Variants in SERTAD2 observed in about 807,000 individuals in gnomAD.
SERTAD2 encodes the protein SERTA domain-containing protein 2.
Under a neutral mutation model 15.4 loss-of-function variants are expected in SERTAD2, and 2 were observed. The ratio of observed to expected loss-of-function variants is 0.13; its 90% CI spans 0.05 to 0.41. The LOEUF (loss-of-function observed/expected upper bound fraction) is 0.41. Among genes scored for constraint, SERTAD2 ranks in the 10% least tolerant of loss-of-function variants. SERTAD2 has a pLI of 0.99. For synonymous variants in SERTAD2, 180 were observed against 178.0 expected (o/e 1.01, Z -0.09); for missense variants, 333 against 409.7 (o/e 0.81, Z 1.62).
Position 64,633,529 on chromosome 2 carries a change from T to C in SERTAD2, c.*2398A>G, listed in dbSNP as rs1386232785. On this transcript the variant is annotated 3_prime_UTR_variant, in exon 2 of 2. Transcript: ENST00000313349. ...CCCTGTTATTGTTCAGAATCATCAA[T>C]ACTATTGTATATGTGTACGTAGGTA... 8 of 152,266 alleles carry C rather than the reference T, an allele frequency of 5.3e-5. No homozygotes were observed. Among genetic ancestry groups the C allele is most frequent in the African/African-American group, 1.9e-4 (8 of 41,468 alleles). The allele number at this position is 152,266 out of a possible 1,614,324, so 9.4% of individuals were successfully genotyped here. A position where few individuals can be genotyped will look rare whatever the true frequency, so the allele number is the denominator to read the frequency against.
intron 1 of SERTAD2, among the ~76,000 whole-genome samples, chr2:64,641,465 C>G (rs1055429162): frequency 6.6e-6 from 1 of 152,192 alleles, no homozygotes; most frequent in African/African-American, 2.4e-5. Context: ...TTTCCCATCT[C>G]AAGATAGTGA....
intron 1 of SERTAD2, among the ~76,000 whole-genome samples, chr2:64,640,687 T>C (rs146144743): frequency 7.9e-5 from 12 of 152,266 alleles, no homozygotes; most frequent in South Asian, 2.1e-4. Flanking sequence ...CTGTGACCCA[T>C]TGGCTTCCTA....
Position 64,643,362 on chromosome 2 carries a change from G to A in SERTAD2, c.-4-6487C>T, listed in dbSNP as rs556295051. On this transcript the variant is annotated intron_variant, in intron 1 of 1. Coordinates refer to ENST00000313349, the MANE Select transcript of SERTAD2 (RefSeq NM_014755.3). ...ACTGAACTACAGTGTCTGCCGTGGT[G>A]TACGGGCGGCTAGTGGGGTGAGCTG... Among the ~76,000 whole-genome samples, 6 of 152,370 alleles carry A rather than the reference G, an allele frequency of 3.9e-5. No homozygotes were observed. In the East Asian group the frequency reaches 1.2e-3, roughly 29 times the overall value.
chr2:64,637,154 G>A (rs1338704091), intron 1 of SERTAD2, among the ~76,000 whole-genome samples: 1 of 152,194 alleles, frequency 6.6e-6, no homozygotes, highest in African/African-American at 2.4e-5. Flanking sequence ...GACAAGTTAA[G>A]AATTACCATG....
At chr2:64,640,402 C>CCT (rs1252302025) in intron 1 of SERTAD2, among the ~76,000 whole-genome samples, 4 of 152,210 alleles carry the variant, frequency 2.6e-5, no homozygotes, top group African/African-American at 9.6e-5. Flanking sequence ...CGCATCAGCC[C>CCT]CTCCAGGCCT....
intron 1 of SERTAD2, among the ~76,000 whole-genome samples, chr2:64,638,616 G>A (rs1674709214): frequency 1.3e-5 from 2 of 152,096 alleles, no homozygotes; most frequent in African/African-American, 4.8e-5. Context: ...CATCAGAATC[G>A]GCTTGAGATT....
chr2:64,632,484 G>C lies in SERTAD2; in HGVS notation c.*3443C>G, dbSNP rs56169229. The stretch of plus-strand genomic sequence containing the variant: ...CAATTGGTAAAGACACTCGAGAGGT[G>C]CAGAGGAGGCTCTGGCCACTGCTCA... On this transcript the variant is annotated 3_prime_UTR_variant, in exon 2 of 2. Coordinates refer to ENST00000313349, the MANE Select transcript of SERTAD2 (RefSeq NM_014755.3). 1.3e-5 allele frequency: 2 copies of C among 152,728 alleles called. No individual in the cohort carries two copies. Among genetic ancestry groups the C allele is most frequent in the Non-Finnish European group, 2.9e-5 (2 of 68,034 alleles). 9.5% of individuals were successfully genotyped at this position (152,728 alleles called of 1,614,324 possible).
chr2:64,652,498 T>C (rs879488251), intron 1 of SERTAD2, among the ~76,000 whole-genome samples: 12 of 152,248 alleles, frequency 7.9e-5, no homozygotes, highest in Non-Finnish European at 1.5e-4. Flanking sequence ...CTACAACTTC[T>C]AGCCTCTTTA....
chr2:64,647,019 G>A (rs962277818), intron 1 of SERTAD2, among the ~76,000 whole-genome samples: 2 of 152,184 alleles, frequency 1.3e-5, no homozygotes, highest in African/African-American at 4.8e-5. Flanking sequence ...TCTCCATACT[G>A]AACAGATACT....
At position 64,636,362 on chromosome 2, in the gene SERTAD2, G is replaced by A. The variant is rs1674657724; in HGVS notation, c.510C>T (p.Ser170=). 6.2e-7 allele frequency: 1 copy of A among 1,614,230 alleles called. No individual in the cohort carries two copies. Among genetic ancestry groups the A allele is most frequent in the Non-Finnish European group, 8.5e-7 (1 of 1,180,034 alleles). Reference sequence around the variant, plus strand: ...GCTCCTCGATCTCGTCCAAGGCAGAGGAGAAACTGTCCTTTTCTGGCAAGA... The same window carrying A: ...GCTCCTCGATCTCGTCCAAGGCAGAAGAGAAACTGTCCTTTTCTGGCAAGA... ...PALLPEKDSF[S]SALDEIEELC... The change falls in exon 2 of 2, where the codon TCC becomes TCT. Residue 170 remains serine (S), a synonymous_variant. Transcript: ENST00000313349.
chr2:64,639,227 G>A (rs1674721040), intron 1 of SERTAD2, among the ~76,000 whole-genome samples: 1 of 152,216 alleles, frequency 6.6e-6, no homozygotes, highest in Non-Finnish European at 1.5e-5. Flanking sequence ...GTGCCTGTCT[G>A]CGAACTGTTA....
intron 1 of SERTAD2, among the ~76,000 whole-genome samples, chr2:64,641,024 T>C (rs1478804157): frequency 6.6e-6 from 1 of 152,248 alleles, no homozygotes; most frequent in Non-Finnish European, 1.5e-5. Flanking sequence ...TAAACATTAA[T>C]TTTAACTGCT....
chr2:64,646,236 C>T, intron 1 of SERTAD2, among the ~76,000 whole-genome samples: 1 of 152,256 alleles, frequency 6.6e-6, no homozygotes. Context: ...AAGTACAAGG[C>T]GGTGCTTTGT....
At position 64,632,243 on chromosome 2, in the gene SERTAD2, CTT is replaced by C. The variant is rs11366694; in HGVS notation, c.*3682_*3683del. ...TAGCAATTGCTGCACGAAGTAGAGT[CTT>C]TTTTTTTTTTTTTTTTACATTTGTC... On this transcript the variant is annotated 3_prime_UTR_variant, in exon 2 of 2. Transcript: ENST00000313349. 421 of 138,996 alleles carry C rather than the reference CTT, an allele frequency of 3.0e-3. No homozygotes were observed. Among genetic ancestry groups the C allele is most frequent in the African/African-American group, 2.8e-3 (104 of 37,674 alleles). 8.6% of individuals were successfully genotyped at this position (138,996 alleles called of 1,614,324 possible). A position where few individuals can be genotyped will look rare whatever the true frequency, so the allele number is the denominator to read the frequency against.
intron 1 of SERTAD2, among the ~76,000 whole-genome samples, chr2:64,653,336 C>G (rs1675055022): frequency 6.6e-6 from 1 of 151,972 alleles, no homozygotes; most frequent in African/African-American, 2.4e-5. Context: ...GCCCGCCGCT[C>G]GGCTCTCCGA....
intron 1 of SERTAD2, among the ~76,000 whole-genome samples, chr2:64,647,824 T>C (rs1416613864): frequency 6.6e-6 from 1 of 152,194 alleles, no homozygotes; most frequent in Admixed American, 6.5e-5. Context: ...TATTTGCCAC[T>C]GAATAAAACT....
intron 1 of SERTAD2, among the ~76,000 whole-genome samples, chr2:64,640,218 T>C (rs1006727553): frequency 3.9e-5 from 6 of 152,194 alleles, no homozygotes; most frequent in Admixed American, 6.5e-5. Flanking sequence ...CCTGACACAC[T>C]GCAGTAACAT....
At chr2:64,644,331 G>A (rs148374631) in intron 1 of SERTAD2, among the ~76,000 whole-genome samples, 28 of 152,354 alleles carry the variant, frequency 1.8e-4, no homozygotes, top group Middle Eastern at 3.4e-3. Flanking sequence ...CACAGAATAT[G>A]CTGTTTCTCT....
At chr2:64,648,067 G>A (rs1674942123) in intron 1 of SERTAD2, among the ~76,000 whole-genome samples, 1 of 152,162 alleles carries the variant, frequency 6.6e-6, no homozygotes, top group African/African-American at 2.4e-5. Flanking sequence ...GTGTAAAACT[G>A]AACATTGTAT....
Sources: allele counts gnomAD v4.1 joint callset (sites outside exome capture counted in the v4.1 genomes callset), GRCh38; gene constraint gnomAD v4.1.1; transcripts MANE v1.5; gene names NCBI Gene and HGNC (gene_info 2026-07-23, HGNC 2026-07-21).